The following KCTD16 variants were observed in gnomAD, a reference collection of about 807,000 sequenced individuals.
KCTD16 encodes the protein BTB/POZ domain-containing protein KCTD16.
KCTD16 carries 13 observed loss-of-function variants against 33.2 expected under a neutral mutation model. The observed-to-expected ratio is 0.39, with a 90% CI of 0.25 to 0.62. KCTD16 has a LOEUF of 0.62. Ranked by LOEUF, KCTD16 falls within the 20% of genes least tolerant of loss-of-function variation. KCTD16 has a pLI of 0.50. For synonymous variants in KCTD16, 197 were observed against 195.3 expected (o/e 1.01, Z -0.07); for missense variants, 441 against 525.1 (o/e 0.84, Z 1.57).
intron 3 of KCTD16, among the ~76,000 whole-genome samples, chr5:144,259,750 C>T (rs1400505848): frequency 6.6e-6 from 1 of 152,124 alleles, no homozygotes; most frequent in Non-Finnish European, 1.5e-5. Context: ...AAGTAAAGAC[C>T]GTCAGGCTCT....
chr5:144,428,220 A>G (rs931899718), intron 3 of KCTD16, among the ~76,000 whole-genome samples: 1 of 152,144 alleles, frequency 6.6e-6, no homozygotes, highest in African/African-American at 2.4e-5. Context: ...AGAACATTGG[A>G]AATAGATAAA....
chr5:144,287,697 C>T (rs796587918), intron 3 of KCTD16, among the ~76,000 whole-genome samples: 8 of 152,124 alleles, frequency 5.3e-5, no homozygotes, highest in African/African-American at 1.7e-4. Context: ...AGTACAGTGG[C>T]GTAATATCAG....
chr5:144,436,123 G>C (rs1192511450), intron 3 of KCTD16, among the ~76,000 whole-genome samples: 2 of 152,190 alleles, frequency 1.3e-5, no homozygotes, highest in Non-Finnish European at 2.9e-5. Context: ...GTGCAGATGT[G>C]ACTACAAGGT....
chr5:144,472,093 TC>T (rs1225124998), intron 3 of KCTD16, among the ~76,000 whole-genome samples: 4 of 152,312 alleles, frequency 2.6e-5, no homozygotes, highest in Non-Finnish European at 4.4e-5. Flanking sequence ...TAAGGTAACA[TC>T]CTGTATAATG....
rs115524274 is a variant in KCTD16, at chr5:144,371,933, T to G, written c.833-101727T>G. Among the ~76,000 whole-genome samples the G allele has an allele frequency of 4.5e-3, 679 of 152,254 alleles. 3 individuals carry two copies. Among genetic ancestry groups the G allele is most frequent in the African/African-American group, 0.016 (650 of 41,534 alleles). On this transcript the variant is annotated intron_variant, in intron 3 of 3. Coordinates refer to ENST00000512467, the MANE Select transcript of KCTD16 (RefSeq NM_020768.4). ...AGCTGTCAGTGGGTTCTCAACCTTATGCTCTGTTTAACCACACCCCTTCTC... is the reference window on the plus strand; with the variant it reads ...AGCTGTCAGTGGGTTCTCAACCTTAGGCTCTGTTTAACCACACCCCTTCTC...
At chr5:144,341,971 G>T (rs930669643) in intron 3 of KCTD16, among the ~76,000 whole-genome samples, 1 of 152,110 alleles carries the variant, frequency 6.6e-6, no homozygotes, top group Non-Finnish European at 1.5e-5. Flanking sequence ...GTACATTATT[G>T]CTTTCACCTT....
chr5:144,411,518 GATTAAAAAA>G (rs1221028967), intron 3 of KCTD16, among the ~76,000 whole-genome samples: 4 of 152,022 alleles, frequency 2.6e-5, no homozygotes, highest in Non-Finnish European at 5.9e-5. Context: ...TCTCTCACCA[GATTAAAAAA>G]ATTAACTCAA....
intron 3 of KCTD16, among the ~76,000 whole-genome samples, chr5:144,231,542 A>G (rs1349037831): frequency 2.0e-5 from 3 of 152,158 alleles, no homozygotes; most frequent in South Asian, 4.1e-4. Context: ...ACTACATACC[A>G]TATGTAGAAT....
intron 2 of KCTD16, among the ~76,000 whole-genome samples, chr5:144,203,274 A>G (rs1336070750): frequency 6.6e-6 from 1 of 152,068 alleles, no homozygotes; most frequent in African/African-American, 2.4e-5. Context: ...ATTAATATTA[A>G]TTCTTGGTGT....
intron 3 of KCTD16, among the ~76,000 whole-genome samples, chr5:144,427,516 T>A (rs1006458106): frequency 3.3e-5 from 5 of 152,124 alleles, no homozygotes; most frequent in Non-Finnish European, 7.4e-5. Context: ...TCCAAAATCT[T>A]GTGCCCTCTT....
intron 3 of KCTD16, among the ~76,000 whole-genome samples, chr5:144,441,591 T>A (rs1020462588): frequency 1.3e-5 from 2 of 152,130 alleles, no homozygotes; most frequent in Non-Finnish European, 2.9e-5. Context: ...TCTTTTCTTA[T>A]TGAGTTATCT....
chr5:144,314,352 G>A (rs1371760691), intron 3 of KCTD16, among the ~76,000 whole-genome samples: 1 of 152,136 alleles, frequency 6.6e-6, no homozygotes, highest in Non-Finnish European at 1.5e-5. Flanking sequence ...ACTGTCTTGG[G>A]AGTAATGAAA....
At chr5:144,367,031 C>T (rs201196504) in intron 3 of KCTD16, among the ~76,000 whole-genome samples, 2 of 152,180 alleles carry the variant, frequency 1.3e-5, no homozygotes, top group East Asian at 3.9e-4. Context: ...ACCTCTGCCT[C>T]CCTAAGAGGA....
chr5:144,411,337 G>A (rs1420988087), intron 3 of KCTD16, among the ~76,000 whole-genome samples: 2 of 152,116 alleles, frequency 1.3e-5, no homozygotes, highest in African/African-American at 2.4e-5. Context: ...AAAAATGCAT[G>A]AAGAGACCAA....
chr5:144,211,488 T>G (rs2126794207), intron 3 of KCTD16, among the ~76,000 whole-genome samples: 1 of 152,254 alleles, frequency 6.6e-6, no homozygotes, highest in South Asian at 2.1e-4. Flanking sequence ...CAACACAAAC[T>G]TTGTTTCATG....
intron 3 of KCTD16, among the ~76,000 whole-genome samples, chr5:144,443,158 A>G (rs1419542236): frequency 2.0e-5 from 3 of 152,050 alleles, no homozygotes; most frequent in Non-Finnish European, 4.4e-5. Flanking sequence ...TGAAACTGGA[A>G]CCTGACACTA....
At chr5:144,292,893 G>A (rs1026998123) in intron 3 of KCTD16, among the ~76,000 whole-genome samples, 13 of 152,152 alleles carry the variant, frequency 8.5e-5, no homozygotes, top group African/African-American at 2.9e-4. Context: ...TTAGAAGAGA[G>A]TTGGGCTGCC....
At chr5:144,373,449 T>C (rs1752014822) in intron 3 of KCTD16, among the ~76,000 whole-genome samples, 1 of 152,184 alleles carries the variant, frequency 6.6e-6, no homozygotes, top group Non-Finnish European at 1.5e-5. Flanking sequence ...ATAGTATATG[T>C]TCATTATAAA....
chr5:144,201,471 C>T (rs530741325), intron 2 of KCTD16, among the ~76,000 whole-genome samples: 12 of 152,228 alleles, frequency 7.9e-5, no homozygotes, highest in African/African-American at 2.9e-4. Flanking sequence ...TTCTTTATGC[C>T]TCAATTGGAG....
Sources: gnomAD v4.1 joint callset for allele counts (sites outside exome capture counted in the v4.1 genomes callset) on GRCh38, gnomAD v4.1.1 for gene constraint, MANE v1.5 for transcripts, NCBI Gene and HGNC (gene_info 2026-07-23, HGNC 2026-07-21) for gene names.